Variants in KLKB1 observed in about 807,000 individuals in gnomAD.
KLKB1 encodes kallikrein B1.
KLKB1 carries 58 observed loss-of-function variants against 73.6 expected under a neutral mutation model. The ratio of observed to expected loss-of-function variants is 0.79; its 90% confidence interval spans 0.64 to 0.98. The LOEUF (loss-of-function observed/expected upper bound fraction) is 0.98, where lower values mean the gene tolerates loss of function less well. KLKB1 is among the 50% of genes least tolerant of loss of function. The probability of loss-of-function intolerance (pLI) is 0.00; values close to 1 mark genes in which losing one functional copy is unlikely to be tolerated. For missense variants in KLKB1, 737 were observed against 763.8 expected, an observed-to-expected ratio of 0.96 and a Z score of 0.41; for synonymous variants, 280 against 258.1, an observed-to-expected ratio of 1.08 and a Z score of -0.81.
At position 186,251,491 on chromosome 4, in the gene KLKB1, C is replaced by T; in HGVS notation, c.873C>T (p.Pro291=). ...TTGTGTTTATAATTGACACAGAACC[C>T]TGCCATTCTAAAATTTACCCGGGAG... The part of the protein sequence containing the change: ...LLTCKRTLPE[P]CHSKIYPGVD... Residue 291 remains proline, a synonymous_variant, in exon 9 of 15, where the codon CCC becomes CCT. Transcript: ENST00000264690. 6.2e-7 allele frequency: 1 copy of T among 1,613,650 alleles called. No individual in the cohort carries two copies.
chr4:186,233,050 G>A (rs1737481473), intron 3 of KLKB1, among the ~76,000 whole-genome samples: 1 of 152,072 alleles, frequency 6.6e-6, no homozygotes. Context: ...AAGTAGCTGG[G>A]ATTACAGGCA....
chr4:186,241,691 A>C (rs560752178), intron 6 of KLKB1, among the ~76,000 whole-genome samples: 1 of 152,224 alleles, frequency 6.6e-6, no homozygotes, highest in African/African-American at 2.4e-5. Flanking sequence ...TTGGAAAAAA[A>C]AGGTTTTTTT....
At chr4:186,224,928 A>G (rs1038844269), upstream of KLKB1, among the ~76,000 whole-genome samples, 4 of 152,190 alleles carry the variant, frequency 2.6e-5, no homozygotes, top group Non-Finnish European at 4.4e-5. Flanking sequence ...TGATTGGATC[A>G]TGGAGGTGGT....
At position 186,251,874 on chromosome 4, in the gene KLKB1, A is replaced by C; in HGVS notation, c.1144+13A>C. 1 of 1,606,442 alleles carries C rather than the reference A, an allele frequency of 6.2e-7. No individual in the cohort carries two copies. The highest frequency in any genetic ancestry group is 2.2e-5 in the East Asian group (1 of 44,824). On this transcript the variant is annotated intron_variant, in intron 10 of 14. Transcript: ENST00000264690. ...GGGGACAACTCTGGTGAGTAACCTCACTTTTTCGTGGACCTGTCAGGGATG... is the reference window on the plus strand; with the variant it reads ...GGGGACAACTCTGGTGAGTAACCTCCCTTTTTCGTGGACCTGTCAGGGATG...
chr4:186,255,467 TGAGACAAGAGGATCTCTTGAGCCC>T (rs1159395809), intron 12 of KLKB1, among the ~76,000 whole-genome samples: 8 of 152,154 alleles, frequency 5.3e-5, no homozygotes, highest in Admixed American at 2.0e-4. Flanking sequence ...GTCAAGAGGC[TGAGACAAGAGGATCTCTTGAGCCC>T]AGGAGCTCAA....
chr4:186,219,662 CCTT>C (rs1438326471), intron 2 of KLKB1, among the ~76,000 whole-genome samples: 1 of 152,152 alleles, frequency 6.6e-6, no homozygotes, highest in Non-Finnish European at 1.5e-5. Context: ...TTGATGACTA[CCTT>C]CTTCTACTAC....
intron 11 of KLKB1, among the ~76,000 whole-genome samples, chr4:186,253,819 T>C (rs1039968607): frequency 4.1e-5 from 6 of 144,612 alleles, no homozygotes; most frequent in African/African-American, 1.7e-4. Flanking sequence ...CAGATATATT[T>C]TATTTTATTT....
upstream of KLKB1, among the ~76,000 whole-genome samples, chr4:186,222,175 C>T (rs1737046996): frequency 6.6e-6 from 1 of 152,202 alleles, no homozygotes; most frequent in African/African-American, 2.4e-5. Flanking sequence ...TAGTCTCTTA[C>T]AGGCAGCATA....
chr4:186,224,174 CAGG>C (rs1331964929), upstream of KLKB1, among the ~76,000 whole-genome samples: 1 of 152,250 alleles, frequency 6.6e-6, no homozygotes, highest in Non-Finnish European at 1.5e-5. Context: ...CCTGGCTGTC[CAGG>C]CAGAAGCCTG....
At chr4:186,225,144 T>A (rs1216184016), upstream of KLKB1, among the ~76,000 whole-genome samples, 1 of 152,202 alleles carries the variant, frequency 6.6e-6, no homozygotes, top group African/African-American at 2.4e-5. Context: ...AATTACCCAG[T>A]CTCAGGTAGT....
chr4:186,212,669 C>G (rs1736764153), intron 2 of KLKB1: 1 of 152,200 alleles, frequency 6.6e-6, no homozygotes, highest in Non-Finnish European at 1.5e-5. Context: ...CTGTTATGCT[C>G]CTGATAGCCA....
chr4:186,240,894 G>T (rs4253259), intron 6 of KLKB1, among the ~76,000 whole-genome samples: 11,457 of 152,190 alleles, frequency 0.075, 503 homozygotes, highest in African/African-American at 0.12. Flanking sequence ...GGAAGGATTT[G>T]CTGCACTTAC....
chr4:186,237,945 G>A (rs556054759), intron 5 of KLKB1, among the ~76,000 whole-genome samples: 93 of 152,110 alleles, frequency 6.1e-4, no homozygotes, highest in Non-Finnish European at 9.9e-4. Context: ...TGAAGTCTGT[G>A]TCATTTTTCG....
intron 6 of KLKB1, 113 bp downstream of exon 6, chr4:186,238,478 G>A: frequency 1.3e-6 from 1 of 786,826 alleles, no homozygotes; most frequent in Admixed American, 1.8e-5. Flanking sequence ...GCTGGCAAAA[G>A]CGTTTCTGTC....
rs1436012861 is a variant in KLKB1, at chr4:186,245,815, TGTTTTTTGG to T, written c.599-4427_599-4419del. ...CTAATTTTTGGAGTTTTTTTTTGTTTGTTTTTTGGTTTTTTTTTTTTAATGTCAGGAGCT... is the reference window on the plus strand; with the variant it reads ...CTAATTTTTGGAGTTTTTTTTTGTTTTTTTTTTTTTTTAATGTCAGGAGCT... On this transcript the variant is annotated intron_variant, in intron 6 of 14. Transcript: ENST00000264690. Among the ~76,000 whole-genome samples, 175 of 113,858 alleles carry T rather than the reference TGTTTTTTGG, an allele frequency of 1.5e-3. 22 individuals carry two copies. Among genetic ancestry groups the T allele is most frequent in the East Asian group, 4.9e-3 (18 of 3,670 alleles). The allele number at this position is 113,858 out of a possible 152,430, so 74.7% of individuals were successfully genotyped here. A position where few individuals can be genotyped will look rare whatever the true frequency, so the allele number is the denominator to read the frequency against.
rs1738888914 is a variant in KLKB1, at chr4:186,254,691, C to T, written c.1417C>T (p.Gln473Ter). Reference protein sequence around the residue: ...FSQIKEIIIHQNYKVSEGNHD... With the variant: ...FSQIKEIIIH ...ACAAATAAAAGAGATTATTATTCACCAAAACTATAAAGTCTCAGAAGGGAA... is the reference window on the plus strand; with the variant it reads ...ACAAATAAAAGAGATTATTATTCACTAAAACTATAAAGTCTCAGAAGGGAA... Residue 473 changes from glutamine (Q) to a stop codon, truncating the protein, a stop_gained, in exon 12 of 15, where the codon CAA becomes TAA. Coordinates refer to ENST00000264690, the MANE Select transcript of KLKB1 (RefSeq NM_000892.5). LOFTEE classifies it high-confidence loss of function. The T allele has an allele frequency of 6.2e-7, 1 of 1,613,422 alleles. No homozygotes were observed. The highest frequency in any genetic ancestry group is 1.3e-5 in the African/African-American group (1 of 74,868).
upstream of KLKB1, chr4:186,227,369 A>T (rs577128327): frequency 6.6e-6 from 1 of 152,222 alleles, no homozygotes; most frequent in African/African-American, 2.4e-5. Context: ...TCTTGCTGAC[A>T]TCACTCCCTG....
At chr4:186,230,000 C>CTA (rs1247660310) in intron 2 of KLKB1, among the ~76,000 whole-genome samples, 1 of 151,964 alleles carries the variant, frequency 6.6e-6, no homozygotes, top group Non-Finnish European at 1.5e-5. Flanking sequence ...GTTGTTGGTA[C>CTA]TATTTTGCTA....
In KLKB1 at chr4:186,245,802, G is replaced by GTT. The variant is rs755207618; in HGVS notation, c.599-4433_599-4432dup. 9.6e-4 allele frequency among the ~76,000 whole-genome samples: 53 copies of GTT among 54,932 alleles called. 1 individual carries two copies. Among genetic ancestry groups the GTT allele is most frequent in the African/African-American group, 2.5e-3 (45 of 17,660 alleles). The allele number at this position is 54,932 out of a possible 152,430, so 36.0% of individuals were successfully genotyped here. ...TGAGGGCTGGAATCTAATTTTTGGA[G>GTT]TTTTTTTTTGTTTGTTTTTTGGTTT... On this transcript the variant is annotated intron_variant, in intron 6 of 14. Coordinates refer to ENST00000264690, the MANE Select transcript of KLKB1 (RefSeq NM_000892.5).
Sources: allele counts gnomAD v4.1 joint callset (sites outside exome capture counted in the v4.1 genomes callset), GRCh38; gene constraint gnomAD v4.1.1; transcripts MANE v1.5; gene names NCBI Gene and HGNC (gene_info 2026-07-23, HGNC 2026-07-21).